The following ITGB3 variants were observed in gnomAD, a reference collection of about 807,000 sequenced individuals.
ITGB3 encodes integrin beta-3.
ITGB3 carries 48 observed loss-of-function variants against 85.8 expected under a neutral mutation model. The observed-to-expected ratio is 0.56, with a 90% CI of 0.44 to 0.71. The LOEUF is 0.71. Among genes scored for constraint, ITGB3 ranks in the 30% least tolerant of loss-of-function variants. The pLI is 0.00. For synonymous variants in ITGB3, 363 were observed against 395.6 expected (o/e 0.92, Z 0.98); for missense variants, 861 against 1,019.1 (o/e 0.84, Z 2.11).
intron 10 of ITGB3, among the ~76,000 whole-genome samples, chr17:47,298,311 T>C (rs1158537128): frequency 6.6e-6 from 1 of 152,190 alleles, no homozygotes; most frequent in African/African-American, 2.4e-5. Context: ...ATTTCTCTTA[T>C]TTTCTGACTT....
intron 13 of ITGB3, among the ~76,000 whole-genome samples, chr17:47,306,123 G>A (rs754555491): frequency 6.6e-6 from 1 of 152,200 alleles, no homozygotes; most frequent in Admixed American, 6.5e-5. Context: ...ACACCAACAA[G>A]TCACACTGCC....
intron 4 of ITGB3, among the ~76,000 whole-genome samples, chr17:47,285,707 A>G (rs934564584): frequency 2.0e-5 from 3 of 152,234 alleles, no homozygotes; most frequent in Non-Finnish European, 2.9e-5. Flanking sequence ...TCAGCTATTA[A>G]TTAAACACAC....
At chr17:47,284,422 T>C (rs925592744) in intron 3 of ITGB3, 21 bp from the exon 4 acceptor site, 1 of 1,613,944 alleles carries the variant, frequency 6.2e-7, no homozygotes, top group Admixed American at 1.7e-5. Context: ...AGATAAAAAC[T>C]AACATCTTTC....
At chr17:47,309,089 C>T (rs911784306) in intron 14 of ITGB3, among the ~76,000 whole-genome samples, 1 of 151,260 alleles carries the variant, frequency 6.6e-6, no homozygotes, top group African/African-American at 2.4e-5. Flanking sequence ...GCTCTGTCAC[C>T]CATGCTGGAG....
chr17:47,288,488 G>A (rs2065112822), intron 6 of ITGB3, among the ~76,000 whole-genome samples: 1 of 152,144 alleles, frequency 6.6e-6, no homozygotes, highest in African/African-American at 2.4e-5. Flanking sequence ...ATCTGGGGCA[G>A]GTGTGAACTC....
rs1404726839 is a variant in ITGB3, at chr17:47,283,034, A to G, written c.166-320A>G. ...TCTCCTTCTAGCTACAACTCCATGA[A>G]TAGGCCTTCTTGATATCTCAATTTC... is the stretch of plus-strand genomic sequence containing the variant. On this transcript the variant is annotated intron_variant, in intron 2 of 14. Transcript: ENST00000559488. 3.5e-4 allele frequency among the ~76,000 whole-genome samples: 53 copies of G among 151,584 alleles called. 1 individual carries two copies. Among genetic ancestry groups the G allele is most frequent in the Non-Finnish European group, 5.9e-5 (4 of 67,924 alleles).
At chr17:47,258,445 T>TG (rs1567758150) in intron 1 of ITGB3, among the ~76,000 whole-genome samples, 1 of 152,198 alleles carries the variant, frequency 6.6e-6, no homozygotes, top group African/African-American at 2.4e-5. Context: ...TTTTTTTTTT[T>TG]TTGTTAGATA....
intron 12 of ITGB3, among the ~76,000 whole-genome samples, chr17:47,301,125 C>T (rs900892872): frequency 2.0e-5 from 3 of 152,040 alleles, no homozygotes; most frequent in African/African-American, 7.2e-5. Flanking sequence ...ATAAGACAGA[C>T]AGAAATACAA....
intron 2 of ITGB3, 48 bp from the exon 3 acceptor site, chr17:47,283,306 C>A: frequency 6.3e-7 from 1 of 1,587,030 alleles, no homozygotes; most frequent in Non-Finnish European, 8.6e-7. Context: ...GGTAGAGAGT[C>A]GCCATAGCTC....
chr17:47,292,685 G>A, intron 10 of ITGB3, 117 bp downstream of exon 10: 1 of 1,044,282 alleles, frequency 9.6e-7, no homozygotes, highest in Non-Finnish European at 1.4e-6. Flanking sequence ...GTGTAAGTCA[G>A]TGGTTCCTAA....
In ITGB3 at chr17:47,292,456, G is replaced by T; in HGVS notation, c.1578G>T (p.Glu526Asp). The T allele has an allele frequency of 1.9e-6, 3 of 1,609,500 alleles. No individual in the cohort carries two copies. The highest frequency in any genetic ancestry group is 2.5e-6 in the Non-Finnish European group (3 of 1,176,784). ...EGQPVCSQRG[E>D]CLCGQCVCHS... ...AGCCCGTCTGCAGCCAGCGGGGCGA[G>T]TGCCTCTGTGGTCAATGTGTCTGCC... Residue 526 changes from glutamate (E) to aspartate (D), a missense_variant, in exon 10 of 15, where the codon GAG becomes GAT. Physicochemically the swap from Glu to Asp is conservative, Grantham distance 45. Transcript: ENST00000559488.
Position 47,313,169 on chromosome 17 carries a change from T to TA in ITGB3, c.*2965_*2966insA, listed in dbSNP as rs1271775395. Among the ~76,000 whole-genome samples the TA allele has an allele frequency of 6.6e-6, 1 of 150,758 alleles. No individual in the cohort carries two copies. Among genetic ancestry groups the TA allele is most frequent in the Admixed American group, 6.6e-5 (1 of 15,072 alleles). ...TTGTATTTTTAGTAGAGACGGGGTT[T>TA]CACCATGTTGGCCAGGCTGGTCTCG... On this transcript the variant is annotated 3_prime_UTR_variant, in exon 15 of 15. Coordinates refer to ENST00000559488, the MANE Select transcript of ITGB3 (RefSeq NM_000212.3).
At chr17:47,309,046 C>G (rs9284377) in intron 14 of ITGB3, among the ~76,000 whole-genome samples, 6,375 of 143,798 alleles carry the variant, frequency 0.044, 222 homozygotes, top group East Asian at 0.1. Context: ...CCCTTCCCTT[C>G]CCTCCTTCCT....
At position 47,253,861 on chromosome 17, in the gene ITGB3, G is replaced by A. The variant is rs1598673439; in HGVS notation, c.-1G>A. ...GCGGAGCGCCGCGGGAGGCGGACGAGATGCGAGCGCGGCCGCGGCCCCGGC... is the reference window on the plus strand; with the variant it reads ...GCGGAGCGCCGCGGGAGGCGGACGAAATGCGAGCGCGGCCGCGGCCCCGGC... On this transcript the variant is annotated 5_prime_UTR_variant, in exon 1 of 15. Transcript: ENST00000559488. 1 of 1,233,786 alleles carries A rather than the reference G, an allele frequency of 8.1e-7. No homozygotes were observed. Among genetic ancestry groups the A allele is most frequent in the Non-Finnish European group, 1.0e-6 (1 of 989,462 alleles). The allele number at this position is 1,233,786 out of a possible 1,614,324, so 76.4% of individuals were successfully genotyped here.
At chr17:47,290,479 A>T (rs905566247) in intron 8 of ITGB3, among the ~76,000 whole-genome samples, 1 of 150,882 alleles carries the variant, frequency 6.6e-6, no homozygotes, top group African/African-American at 2.4e-5. Flanking sequence ...GAAGAGAGAA[A>T]GAAGGAAAGA....
rs1004429108 is a variant in ITGB3 at position 47,310,042 on chromosome 17, G to A, written c.2302-97G>A. The stretch of plus-strand genomic sequence containing the variant: ...TCATTGATGATGTATTCCAGAGAAC[G>A]GTGCCTTGGGAAAACTTCTGAGATG... On this transcript the variant is annotated intron_variant, in intron 14 of 14. Transcript: ENST00000559488. 2.4e-5 allele frequency: 24 copies of A among 987,978 alleles called. No individual in the cohort carries two copies. In the South Asian group the frequency reaches 2.9e-4, roughly 12 times the overall value. The allele number at this position is 987,978 out of a possible 1,614,324, so 61.2% of individuals were successfully genotyped here. A position where few individuals can be genotyped will look rare whatever the true frequency, so the allele number is the denominator to read the frequency against.
In ITGB3 at chr17:47,303,028, G is replaced by A. The variant is rs539504871; in HGVS notation, c.2134+188G>A. Among the ~76,000 whole-genome samples, 11 of 152,234 alleles carry A rather than the reference G, an allele frequency of 7.2e-5. No homozygotes were observed. In the East Asian group the frequency reaches 2.1e-3, roughly 29 times the overall value. ...TTTGGAAGGCCATGGTGGGTGGATC[G>A]TCTGGGGTCAGGAGTTCAATACCAG... On this transcript the variant is annotated intron_variant, in intron 13 of 14. Transcript: ENST00000559488.
chr17:47,265,306 T>C (rs1883675579), intron 1 of ITGB3, among the ~76,000 whole-genome samples: 1 of 152,230 alleles, frequency 6.6e-6, no homozygotes, highest in African/African-American at 2.4e-5. Flanking sequence ...AGGGCTGTTG[T>C]AACAAAGCAC....
intron 1 of ITGB3, 101 bp downstream of exon 1, chr17:47,254,041 C>A: frequency 2.7e-6 from 2 of 734,090 alleles, no homozygotes; most frequent in Middle Eastern, 4.2e-4. Flanking sequence ...GCTGGTCCCG[C>A]GCGTCTGCGC....
Sources: gnomAD v4.1 joint callset for allele counts (sites outside exome capture counted in the v4.1 genomes callset) on GRCh38, gnomAD v4.1.1 for gene constraint, MANE v1.5 for transcripts, NCBI Gene and HGNC (gene_info 2026-07-23, HGNC 2026-07-21) for gene names.